RAB3B: variants seen among roughly 807,000 people sequenced by gnomAD.
RAB3B encodes ras-related protein Rab-3B.
RAB3B carries 11 observed loss-of-function variants against 20.5 expected under a neutral mutation model. The observed-to-expected ratio is 0.54, with a 90% CI of 0.34 to 0.89. RAB3B has a LOEUF of 0.89. RAB3B is among the 40% of genes least tolerant of loss of function. The pLI, the probability that RAB3B is intolerant of heterozygous loss-of-function variation, is 0.02. For synonymous variants in RAB3B, 99 were observed against 106.3 expected, an observed-to-expected ratio of 0.93 and a Z score of 0.42; for missense variants, 225 against 280.9, an observed-to-expected ratio of 0.80 and a Z score of 1.42.
intron 2 of RAB3B, among the ~76,000 whole-genome samples, chr1:51,952,514 C>T (rs1368390560): frequency 6.6e-6 from 1 of 152,060 alleles, no homozygotes; most frequent in African/African-American, 2.4e-5. Context: ...GATCATAGCA[C>T]CTATATCAGG....
chr1:51,926,189 A>T (rs1019581712), intron 4 of RAB3B, among the ~76,000 whole-genome samples: 15 of 152,236 alleles, frequency 9.9e-5, no homozygotes, highest in African/African-American at 3.6e-4. Context: ...TGGCATAGCC[A>T]TCGACCCAAA....
At chr1:51,976,854 C>T (rs553033999) in intron 2 of RAB3B, 36 bp downstream of exon 2, 1 of 1,589,642 alleles carries the variant, frequency 6.3e-7, no homozygotes, top group African/African-American at 1.3e-5. Flanking sequence ...CCAGCCGCTT[C>T]TCAGGAAAAT....
intron 4 of RAB3B, among the ~76,000 whole-genome samples, chr1:51,931,232 A>T (rs1684318859): frequency 6.6e-6 from 1 of 152,118 alleles, no homozygotes; most frequent in Non-Finnish European, 1.5e-5. Context: ...TGCCAGGGTT[A>T]TGCCCCTGCC....
intron 1 of RAB3B, among the ~76,000 whole-genome samples, chr1:51,984,363 T>C (rs573722057): frequency 6.9e-6 from 1 of 145,622 alleles, no homozygotes; most frequent in South Asian, 2.2e-4. Context: ...TATTCCATCC[T>C]ATAGATGTGT....
intron 2 of RAB3B, among the ~76,000 whole-genome samples, chr1:51,956,665 T>C (rs1272293380): frequency 9.9e-5 from 15 of 152,146 alleles, no homozygotes; most frequent in Admixed American, 9.8e-4. Flanking sequence ...CTTTTCCCCT[T>C]CCCTGCCAAG....
In RAB3B at chr1:51,914,704, C is replaced by T. The variant is rs1364969511; in HGVS notation, c.*5223G>A. On this transcript the variant is annotated 3_prime_UTR_variant, in exon 5 of 5. Transcript: ENST00000371655. ...TCCAGCCACAGGATGCTACTTGATT[C>T]CCCAACTATGGCAGGTAATTGGGTG... The T allele has an allele frequency of 6.6e-6, 1 of 152,156 alleles. No homozygotes were observed. The highest frequency in any genetic ancestry group is 2.4e-5 in the African/African-American group (1 of 41,424). 9.4% of individuals were successfully genotyped at this position (152,156 alleles called of 1,614,324 possible). A position where few individuals can be genotyped will look rare whatever the true frequency, so the allele number is the denominator to read the frequency against.
At chr1:51,989,258 T>TGTGTGTGTGTG (rs1557980864) in intron 1 of RAB3B, among the ~76,000 whole-genome samples, 4 of 108,148 alleles carry the variant, frequency 3.7e-5, no homozygotes, top group African/African-American at 2.1e-4. Context: ...GTGTGTGTGT[T>TGTGTGTGTGTG]TTGAGGGCCC....
At chr1:51,976,535 G>A (rs1685011803) in intron 2 of RAB3B, among the ~76,000 whole-genome samples, 2 of 152,128 alleles carry the variant, frequency 1.3e-5, no homozygotes, top group East Asian at 3.9e-4. Context: ...ATCCCCAAAG[G>A]AGAAAGGGTG....
At chr1:51,923,257 C>T (rs1684197722) in intron 4 of RAB3B, among the ~76,000 whole-genome samples, 1 of 152,136 alleles carries the variant, frequency 6.6e-6, no homozygotes, top group Non-Finnish European at 1.5e-5. Flanking sequence ...ATCCCTTATG[C>T]CTCCTTGTCT....
In RAB3B at chr1:51,918,157, C is replaced by T. The variant is rs1684114709; in HGVS notation, c.*1770G>A. 1 of 152,126 alleles carries T rather than the reference C, an allele frequency of 6.6e-6. No individual in the cohort carries two copies. Among genetic ancestry groups the T allele is most frequent in the South Asian group, 2.1e-4 (1 of 4,816 alleles). The allele number at this position is 152,126 out of a possible 1,614,324, so 9.4% of individuals were successfully genotyped here. A position where few individuals can be genotyped will look rare whatever the true frequency, so the allele number is the denominator to read the frequency against. On this transcript the variant is annotated 3_prime_UTR_variant, in exon 5 of 5. Transcript: ENST00000371655. Reference sequence around the variant, plus strand: ...AGGTATTTAATTAAGGGGCTTCCACCAGAAGTGGTTTCCCACACTCTCTGG... The same window carrying T: ...AGGTATTTAATTAAGGGGCTTCCACTAGAAGTGGTTTCCCACACTCTCTGG...
intron 2 of RAB3B, among the ~76,000 whole-genome samples, chr1:51,940,615 G>A (rs977641812): frequency 6.6e-6 from 1 of 151,424 alleles, no homozygotes; most frequent in Non-Finnish European, 1.5e-5. Flanking sequence ...GAGTGAGACT[G>A]TCTCAAAAGG....
At chr1:51,984,873 G>A (rs2809929) in intron 1 of RAB3B, among the ~76,000 whole-genome samples, 146,854 of 152,132 alleles carry the variant, frequency 0.97, 71,080 homozygotes, top group East Asian at 1. Flanking sequence ...CTGGAAAGAC[G>A]TGGATTATTA....
rs532244220 is a variant in RAB3B at position 51,961,938 on chromosome 1, A to C, written c.228+14952T>G. ...GGTGTCAGCCACCAAGCCCCGCTAA[A>C]TTTTTGTATTTTTAGTAGAGACAGG... On this transcript the variant is annotated intron_variant, in intron 2 of 4. Coordinates refer to ENST00000371655, the MANE Select transcript of RAB3B (RefSeq NM_002867.4). Among the ~76,000 whole-genome samples the C allele has an allele frequency of 5.9e-5, 9 of 152,036 alleles. No individual in the cohort carries two copies. The South Asian group carries it at 1.2e-3, about 21-fold the overall frequency.
intron 2 of RAB3B, among the ~76,000 whole-genome samples, chr1:51,968,316 AAT>A (rs1684883754): frequency 6.6e-6 from 1 of 152,242 alleles, no homozygotes; most frequent in Admixed American, 6.5e-5. Flanking sequence ...ACAGGAAACT[AAT>A]AGAGAAGCCT....
intron 2 of RAB3B, among the ~76,000 whole-genome samples, chr1:51,958,680 G>A (rs1009468326): frequency 1.1e-4 from 16 of 150,938 alleles, no homozygotes; most frequent in South Asian, 2.1e-4. Flanking sequence ...CCGAGATTGC[G>A]CCATTGCACT....
chr1:51,983,739 C>T (rs1685116466), intron 1 of RAB3B, among the ~76,000 whole-genome samples: 1 of 147,214 alleles, frequency 6.8e-6, no homozygotes, highest in South Asian at 2.1e-4. Flanking sequence ...GCAGGCGGAT[C>T]ATTTGAGCTC....
intron 2 of RAB3B, among the ~76,000 whole-genome samples, chr1:51,966,891 ACACTCAAGACGAGATTG>A (rs1684859350): frequency 6.6e-6 from 1 of 152,118 alleles, no homozygotes; most frequent in African/African-American, 2.4e-5. Context: ...TCTCCAGCTT[ACACTCAAGACGAGATTG>A]CACCTTCCTG....
intron 2 of RAB3B, among the ~76,000 whole-genome samples, chr1:51,965,643 T>C (rs1169210956): frequency 1.4e-5 from 2 of 139,884 alleles, no homozygotes; most frequent in Non-Finnish European, 1.6e-5. Flanking sequence ...CAAGGCTCCA[T>C]CTCAAAAAAA....
intron 1 of RAB3B, among the ~76,000 whole-genome samples, chr1:51,989,485 G>A (rs545561865): frequency 2.0e-5 from 3 of 151,922 alleles, no homozygotes; most frequent in African/African-American, 7.2e-5. Context: ...CCGCTAGTGC[G>A]TGGACACCAC....
Sources: gnomAD v4.1 joint callset for allele counts (sites outside exome capture counted in the v4.1 genomes callset) on GRCh38, gnomAD v4.1.1 for gene constraint, MANE v1.5 for transcripts, NCBI Gene and HGNC (gene_info 2026-07-23, HGNC 2026-07-21) for gene names.